Variants in KIAA1217 observed in about 807,000 individuals in gnomAD.
KIAA1217 encodes KIAA1217.
Under a neutral mutation model 163.9 loss-of-function variants are expected in KIAA1217, and 88 were observed. The ratio of observed to expected loss-of-function variants is 0.54; its 90% CI spans 0.45 to 0.64. The LOEUF (loss-of-function observed/expected upper bound fraction) is 0.64, where lower values mean the gene tolerates loss of function less well. Among genes scored for constraint, KIAA1217 ranks in the 30% least tolerant of loss-of-function variants. The pLI is 0.00. For synonymous variants in KIAA1217, 903 were observed against 923.1 expected (o/e 0.98, Z 0.39); for missense variants, 2,372 against 2,475.0 (o/e 0.96, Z 0.88).
At chr10:24,490,828 C>T (rs10764473) in intron 6 of KIAA1217, among the ~76,000 whole-genome samples, 75,684 of 151,954 alleles carry the variant, frequency 0.5, 19,126 homozygotes, top group African/African-American at 0.57. Flanking sequence ...TCTGATGCAG[C>T]GTGTCTCTTT....
chr10:24,423,576 T>C (rs1266046137), intron 3 of KIAA1217, among the ~76,000 whole-genome samples: 1 of 152,000 alleles, frequency 6.6e-6, no homozygotes, highest in Non-Finnish European at 1.5e-5. Context: ...TCTCCTGCCT[T>C]AGCCTCCCAA....
intron 2 of KIAA1217, among the ~76,000 whole-genome samples, chr10:24,124,751 A>G (rs2063406439): frequency 6.6e-6 from 1 of 152,208 alleles, no homozygotes; most frequent in Non-Finnish European, 1.5e-5. Context: ...CTAAAATTAA[A>G]TCATTCTGCT....
At chr10:23,827,798 G>A (rs1564456093) in intron 1 of KIAA1217, among the ~76,000 whole-genome samples, 1 of 152,142 alleles carries the variant, frequency 6.6e-6, no homozygotes, top group African/African-American at 2.4e-5. Flanking sequence ...GCTGAGTAAC[G>A]GCACATGCAA....
chr10:24,542,245 A>G (rs2075206474), intron 17 of KIAA1217, among the ~76,000 whole-genome samples: 1 of 152,206 alleles, frequency 6.6e-6, no homozygotes. Flanking sequence ...AAGAAAACTG[A>G]GGCCAAAGAA....
intron 6 of KIAA1217, among the ~76,000 whole-genome samples, chr10:24,493,330 A>G (rs563190291): frequency 1.2e-4 from 19 of 152,294 alleles, no homozygotes; most frequent in African/African-American, 4.6e-4. Flanking sequence ...AAGGACACTC[A>G]CTCATGGGAG....
In KIAA1217 at chr10:23,843,059, G is replaced by A. The variant is rs537246581; in HGVS notation, c.-321+147825G>A. Among the ~76,000 whole-genome samples the A allele has an allele frequency of 7.9e-5, 12 of 152,244 alleles. No individual in the cohort carries two copies. The South Asian group carries it at 2.1e-3, about 26-fold the overall frequency. Reference sequence around the variant, plus strand: ...TATGTGAAACCACTTAGGGTTAGTCGTGAAGTGGAATCACTTCTCAAATAT... The same window carrying A: ...TATGTGAAACCACTTAGGGTTAGTCATGAAGTGGAATCACTTCTCAAATAT... On this transcript the variant is annotated intron_variant, in intron 1 of 18. Coordinates refer to the KIAA1217 transcript ENST00000376462.
Position 24,543,070 on chromosome 10 carries a change from G to T in KIAA1217, c.3800G>T (p.Ser1267Ile). Residue 1267 changes from serine to isoleucine, a missense_variant, in exon 19 of 21, where the codon AGT becomes ATT. Around this residue, in one of 3 missense-constraint regions of KIAA1217, gnomAD observed 251 missense variants for 327.3 expected, o/e 0.77. Transcript: ENST00000376454. Reference sequence around the variant, plus strand: ...TCCCAGGAAACTGTGCCTAAGGCCAGTTTCGGTTTCTCTGGCATTAGTCCA... The same window carrying T: ...TCCCAGGAAACTGTGCCTAAGGCCATTTTCGGTTTCTCTGGCATTAGTCCA... ...NYSQETVPKA[S>I]FGFSGISPLE... is the part of the protein sequence containing the mutation. The T allele has an allele frequency of 6.2e-7, 1 of 1,613,898 alleles. No individual in the cohort carries two copies. Among genetic ancestry groups the T allele is most frequent in the South Asian group, 1.1e-5 (1 of 91,068 alleles).
intron 2 of KIAA1217, among the ~76,000 whole-genome samples, chr10:24,270,334 C>T (rs867533897): frequency 1.3e-5 from 2 of 152,194 alleles, no homozygotes; most frequent in Admixed American, 6.5e-5. Flanking sequence ...TCTTCCCCCA[C>T]TTACTGGGTT....
chr10:24,539,237 C>A (rs907830159), intron 17 of KIAA1217, among the ~76,000 whole-genome samples: 6 of 151,738 alleles, frequency 4.0e-5, no homozygotes, highest in Non-Finnish European at 7.4e-5. Context: ...CTTTTCTTTT[C>A]TTTTTAATTG....
At chr10:24,316,797 C>T (rs753805403) in intron 2 of KIAA1217, among the ~76,000 whole-genome samples, 27 of 152,100 alleles carry the variant, frequency 1.8e-4, no homozygotes, top group African/African-American at 5.8e-4. Context: ...AATATATTTC[C>T]GAGCCAGAGA....
At chr10:24,039,543 C>G (rs1848539064) in intron 2 of KIAA1217, among the ~76,000 whole-genome samples, 1 of 152,024 alleles carries the variant, frequency 6.6e-6, no homozygotes, top group South Asian at 2.1e-4. Flanking sequence ...ACGGTTTGCC[C>G]AACTGTAGGC....
intron 14 of KIAA1217, among the ~76,000 whole-genome samples, chr10:24,531,548 C>T (rs1481705244): frequency 1.3e-5 from 2 of 152,064 alleles, no homozygotes; most frequent in African/African-American, 4.8e-5. Context: ...CCAAGCTCAG[C>T]GTATAAGTCA....
intron 2 of KIAA1217, among the ~76,000 whole-genome samples, chr10:24,253,315 C>T (rs2074767516): frequency 6.6e-6 from 1 of 152,150 alleles, no homozygotes; most frequent in African/African-American, 2.4e-5. Context: ...GGGGACTCCT[C>T]ACTAAGCTGT....
intron 2 of KIAA1217, 86 bp from the exon 3 acceptor site, chr10:24,380,783 C>T: frequency 9.4e-7 from 1 of 1,058,858 alleles, no homozygotes; most frequent in Non-Finnish European, 1.3e-6. Context: ...ATTATTTTTC[C>T]AGATTAATAG....
rs182955543 is a variant in KIAA1217 at position 23,920,158 on chromosome 10, G to A, written c.-320-87067G>A. ...AACACAGTGACATTTAGGTTTTTTT[G>A]TTTGTTTGTTTGTTTTTGTTTTTGT... On this transcript the variant is annotated intron_variant, in intron 1 of 18. Coordinates refer to the KIAA1217 transcript ENST00000376462. Among the ~76,000 whole-genome samples, 84 of 152,154 alleles carry A rather than the reference G, an allele frequency of 5.5e-4. No homozygotes were observed. In the East Asian group the frequency reaches 0.014, roughly 24 times the overall value.
chr10:23,946,085 T>C (rs551087211), intron 1 of KIAA1217, among the ~76,000 whole-genome samples: 13 of 152,282 alleles, frequency 8.5e-5, no homozygotes, highest in Admixed American at 1.3e-4. Flanking sequence ...TTAATAGTTA[T>C]GGCAGAAACC....
At chr10:24,382,844 C>CTTTTTTTTT in intron 3 of KIAA1217, among the ~76,000 whole-genome samples, 1 of 44,382 alleles carries the variant, frequency 2.3e-5, no homozygotes, top group East Asian at 5.0e-4. Flanking sequence ...TTTTTCTTTT[C>CTTTTTTTTT]TTTTTTTTTT....
At chr10:23,996,644 C>CA (rs1426231695) in intron 1 of KIAA1217, among the ~76,000 whole-genome samples, 12 of 152,172 alleles carry the variant, frequency 7.9e-5, no homozygotes, top group Admixed American at 7.9e-4. Flanking sequence ...GATCCTAAGT[C>CA]ATAAAACAAC....
chr10:24,399,880 T>G (rs2056322936), intron 3 of KIAA1217, among the ~76,000 whole-genome samples: 1 of 152,012 alleles, frequency 6.6e-6, no homozygotes, highest in Non-Finnish European at 1.5e-5. Flanking sequence ...TAATAATACA[T>G]GGCAAGTTTG....
Sources: gnomAD v4.1 joint callset for allele counts (sites outside exome capture counted in the v4.1 genomes callset) on GRCh38, gnomAD v4.1.1 for gene constraint, gnomAD v4.1.1 regional missense constraint, MANE v1.5 for transcripts, NCBI Gene and HGNC (gene_info 2026-07-23, HGNC 2026-07-21) for gene names.